TAFA5: variants seen among roughly 807,000 people sequenced by gnomAD.
The protein encoded by TAFA5 is TAFA chemokine like family member 5, also known as chemokine-like protein TAFA-5.
In TAFA5, 6 loss-of-function variants were observed where a neutral mutation model predicts 15.3. The ratio of observed to expected loss-of-function variants is 0.39; its 90% CI spans 0.21 to 0.77. The LOEUF (loss-of-function observed/expected upper bound fraction) is 0.77. TAFA5 is among the 30% of genes least tolerant of loss of function. The probability of loss-of-function intolerance (pLI) is 0.41; values close to 1 mark genes in which losing one functional copy is unlikely to be tolerated. For synonymous variants in TAFA5, 103 were observed against 80.7 expected, an observed-to-expected ratio of 1.28 and a Z score of -1.48; for missense variants, 161 against 193.1, an observed-to-expected ratio of 0.83 and a Z score of 0.98.
intron 1 of TAFA5, among the ~76,000 whole-genome samples, chr22:48,619,452 T>C (rs1925727968): frequency 6.6e-6 from 1 of 152,154 alleles, no homozygotes. Flanking sequence ...GCCTCCCAGG[T>C]TCAAGCGATT....
rs33919099 is a variant in TAFA5 at position 48,610,936 on chromosome 22, A to AT, written c.113-35645dup. ...ATGACTGGCTGGATGACCCTTAGTA[A>AT]TTTTTTTTTTTTTTTTGAGGTGGAG... On this transcript the variant is annotated intron_variant, in intron 1 of 3. Transcript: ENST00000402357. 8.5e-3 allele frequency among the ~76,000 whole-genome samples: 1,232 copies of AT among 144,244 alleles called. 15 individuals carry two copies. The highest frequency in any genetic ancestry group is 0.027 in the African/African-American group (1,072 of 39,068). The allele number at this position is 144,244 out of a possible 152,430, so 94.6% of individuals were successfully genotyped here.
intron 3 of TAFA5, among the ~76,000 whole-genome samples, chr22:48,716,001 G>C (rs1049817544): frequency 2.9e-4 from 44 of 152,240 alleles, no homozygotes; most frequent in Non-Finnish European, 1.3e-4. Context: ...TTATAAAACA[G>C]GGAATCCTTT....
At chr22:48,633,099 G>C (rs1414702744) in intron 1 of TAFA5, among the ~76,000 whole-genome samples, 2 of 152,138 alleles carry the variant, frequency 1.3e-5, no homozygotes, top group African/African-American at 4.8e-5. Flanking sequence ...CCAGGGGCTG[G>C]ACCACAGGGT....
chr22:48,645,946 G>A (rs9617405), intron 1 of TAFA5, among the ~76,000 whole-genome samples: 66,397 of 151,302 alleles, frequency 0.44, 15,078 homozygotes, highest in South Asian at 0.58. Context: ...TTGCACACAC[G>A]TACATGCACA....
chr22:48,722,506 AT>A, intron 3 of TAFA5, among the ~76,000 whole-genome samples: 1 of 151,488 alleles, frequency 6.6e-6, no homozygotes, highest in African/African-American at 2.4e-5. Flanking sequence ...GAGTTGAACA[AT>A]GAGAACACAT....
intron 1 of TAFA5, among the ~76,000 whole-genome samples, chr22:48,617,451 G>A (rs901992196): frequency 1.4e-4 from 22 of 152,170 alleles, no homozygotes; most frequent in Non-Finnish European, 2.8e-4. Context: ...GTGCTGTTTC[G>A]GGGCCTGGTT....
chr22:48,648,995 G>A (rs1926962225), intron 2 of TAFA5, among the ~76,000 whole-genome samples: 1 of 152,188 alleles, frequency 6.6e-6, no homozygotes, highest in East Asian at 1.9e-4. Flanking sequence ...CCCTCTGGGT[G>A]TCTCATTGAT....
At chr22:48,590,000 TG>T (rs1924504498) in intron 1 of TAFA5, among the ~76,000 whole-genome samples, 1 of 151,636 alleles carries the variant, frequency 6.6e-6, no homozygotes, top group Non-Finnish European at 1.5e-5. Flanking sequence ...TGTGTGTGTG[TG>T]TGTGTGTGTG....
At chr22:48,563,514 T>C (rs772477829) in intron 1 of TAFA5, among the ~76,000 whole-genome samples, 12 of 152,164 alleles carry the variant, frequency 7.9e-5, no homozygotes, top group Non-Finnish European at 1.6e-4. Flanking sequence ...CTTGTCTCTA[T>C]ATGGGAAGAG....
chr22:48,507,176 T>C (rs79963541), intron 1 of TAFA5, among the ~76,000 whole-genome samples: 1,095 of 99,392 alleles, frequency 0.011, 32 homozygotes, highest in East Asian at 0.058. Context: ...GCCAGGTGTG[T>C]AGTTGGAGAA....
rs36110435 is a variant in TAFA5, at chr22:48,598,140, G to A, written c.113-48457G>A. Reference sequence around the variant, plus strand: ...CGCAGCGAGAGGTGCAGCTGGCGTCGTGAGGCCTCCGCTGGAGAATTCTTT... The same window carrying A: ...CGCAGCGAGAGGTGCAGCTGGCGTCATGAGGCCTCCGCTGGAGAATTCTTT... On this transcript the variant is annotated intron_variant, in intron 1 of 3. Transcript: ENST00000402357. The surrounding 1 kb of genome is among the most constrained non-coding windows in gnomAD (Gnocchi z 4.0). 0.14 allele frequency among the ~76,000 whole-genome samples: 21,138 copies of A among 152,184 alleles called. 1,742 individuals carry two copies. Among genetic ancestry groups the A allele is most frequent in the East Asian group, 0.23 (1,200 of 5,166 alleles).
At position 48,589,030 on chromosome 22, in the gene TAFA5, T is replaced by C. The variant is rs139696819; in HGVS notation, c.113-57567T>C. 5.5e-3 allele frequency among the ~76,000 whole-genome samples: 833 copies of C among 152,322 alleles called. 3 individuals are homozygous for C. The highest frequency in any genetic ancestry group is 0.019 in the African/African-American group (785 of 41,580). On this transcript the variant is annotated intron_variant, in intron 1 of 3. Transcript: ENST00000402357. Reference sequence around the variant, plus strand: ...CTGATTCGCTTCACCGATAGAAGAATGCAGACCTTGCTTATAAATAACTGT... The same window carrying C: ...CTGATTCGCTTCACCGATAGAAGAACGCAGACCTTGCTTATAAATAACTGT...
At chr22:48,685,986 G>A (rs1013629327) in intron 2 of TAFA5, among the ~76,000 whole-genome samples, 17 of 149,306 alleles carry the variant, frequency 1.1e-4, no homozygotes, top group Non-Finnish European at 2.2e-4. Flanking sequence ...CCCCACGTGC[G>A]CCCCGGGAGT....
At chr22:48,516,315 G>A (rs975544241) in intron 1 of TAFA5, among the ~76,000 whole-genome samples, 8 of 152,060 alleles carry the variant, frequency 5.3e-5, no homozygotes, top group African/African-American at 1.9e-4. Context: ...TACTCTTCCT[G>A]GTGATCTCAG....
At chr22:48,664,407 C>T (rs996770720) in intron 2 of TAFA5, among the ~76,000 whole-genome samples, 6 of 152,150 alleles carry the variant, frequency 3.9e-5, no homozygotes, top group South Asian at 2.1e-4. Context: ...TGTGAAACGA[C>T]GTCTGTACAA....
chr22:48,658,181 G>A (rs1254386388), intron 2 of TAFA5, among the ~76,000 whole-genome samples: 1 of 150,064 alleles, frequency 6.7e-6, no homozygotes. Context: ...AGGACCTTGA[G>A]CTGCTCCCGT....
chr22:48,600,714 C>T (rs570911169), intron 1 of TAFA5, among the ~76,000 whole-genome samples: 3 of 152,244 alleles, frequency 2.0e-5, no homozygotes, highest in Admixed American at 1.3e-4. Context: ...AGTTTTAAGC[C>T]GCACGCCCTT....
At chr22:48,718,583 ACCAGAGCATCTCTGGTACTCC>A (rs1380617500) in intron 3 of TAFA5, among the ~76,000 whole-genome samples, 59 of 152,222 alleles carry the variant, frequency 3.9e-4, no homozygotes, top group African/African-American at 1.3e-3. Context: ...TCCCCAGAGT[ACCAGAGCATCTCTGGTACTCC>A]CCAGAGCACA....
chr22:48,750,209 C>A lies in TAFA5; in HGVS notation c.*362C>A. On this transcript the variant is annotated 3_prime_UTR_variant, in exon 4 of 4. Transcript: ENST00000402357. ...AGCCACAGAAGGCTGCAGCCCAGCC[C>A]GCCTGAGACACGACGCCTGCCCCAG... is the stretch of plus-strand genomic sequence containing the variant. 2.8e-6 allele frequency: 1 copy of A among 361,948 alleles called. No homozygotes were observed. Among genetic ancestry groups the A allele is most frequent in the Non-Finnish European group, 5.1e-6 (1 of 196,956 alleles). The allele number at this position is 361,948 out of a possible 1,614,324, so 22.4% of individuals were successfully genotyped here. A position where few individuals can be genotyped will look rare whatever the true frequency, so the allele number is the denominator to read the frequency against.
Sources: gnomAD v4.1 joint callset for allele counts (sites outside exome capture counted in the v4.1 genomes callset) on GRCh38, gnomAD v4.1.1 for gene constraint, Gnocchi (gnomAD v3.1) non-coding constraint, MANE v1.5 for transcripts, NCBI Gene and HGNC (gene_info 2026-07-23, HGNC 2026-07-21) for gene names.